TBXA2R: variants seen among roughly 807,000 people sequenced by gnomAD.
TBXA2R encodes prostanoid TP receptor.
TBXA2R carries 15 observed loss-of-function variants against 15.6 expected under a neutral mutation model. The ratio of observed to expected loss-of-function variants is 0.96; its 90% CI spans 0.64 to 1.48. The LOEUF is 1.48. Among genes scored for constraint, TBXA2R ranks in the 40% most tolerant of loss-of-function variants. The pLI, the probability that TBXA2R is intolerant of heterozygous loss-of-function variation, is 0.00. For synonymous variants in TBXA2R, 280 were observed against 241.2 expected, an observed-to-expected ratio of 1.16 and a Z score of -1.49; for missense variants, 506 against 491.4, an observed-to-expected ratio of 1.03 and a Z score of -0.28.
At position 3,600,083 on chromosome 19, in the gene TBXA2R, G is replaced by A. The variant is rs2035457526; in HGVS notation, c.552C>T (p.Phe184=). Residue 184 remains phenylalanine (F), a synonymous_variant, in exon 2 of 3, where the codon TTC becomes TTT. Transcript: ENST00000375190. The part of the protein sequence containing the change: ...YTVQYPGSWC[F]LTLGAESGDV... ...CCCCGGACTCGGCGCCCAGCGTCAG[G>A]AAGCACCAGGACCCCGGGTATTGCA... 5 of 1,612,436 alleles carry A rather than the reference G, an allele frequency of 3.1e-6. No individual in the cohort carries two copies. The highest frequency in any genetic ancestry group is 4.2e-6 in the Non-Finnish European group (5 of 1,179,710).
rs749564805 is a variant in TBXA2R, at chr19:3,595,732, G to T, written c.988C>A (p.Leu330Met). The T allele has an allele frequency of 4.4e-6, 7 of 1,601,672 alleles. No homozygotes were observed. The East Asian group carries it at 1.1e-4, about 26-fold the overall frequency. ...QPRLSTRPRSLSLQPQLTQRS... is the reference protein window; with the variant it reads ...QPRLSTRPRSMSLQPQLTQRS... ...TGCGTGAGCTGGGGCTGGAGGGACA[G>T]CGACCTGGGCCGGGTGCTGAGGCGA... The change falls in exon 3 of 3, where the codon CTG becomes ATG. Residue 330 changes from leucine to methionine, a missense_variant. Physicochemically the swap from Leu to Met is conservative, Grantham distance 15 (BLOSUM62 2). Coordinates refer to ENST00000375190, the MANE Select transcript of TBXA2R (RefSeq NM_001060.6).
In TBXA2R at chr19:3,595,622, C is replaced by A. The variant is rs200258519; in HGVS notation, c.*66G>T. 19 of 1,500,842 alleles carry A rather than the reference C, an allele frequency of 1.3e-5. No homozygotes were observed. The highest frequency in any genetic ancestry group is 1.6e-5 in the Non-Finnish European group (18 of 1,119,838). 93.0% of individuals were successfully genotyped at this position (1,500,842 alleles called of 1,614,324 possible). A position where few individuals can be genotyped will look rare whatever the true frequency, so the allele number is the denominator to read the frequency against. ...CCAGCCCCTGAATCCTCAGAACAGG[C>A]AGATGGGCTGTCCGAGGGGCCAAGG... On this transcript the variant is annotated 3_prime_UTR_variant, in exon 3 of 3. Coordinates refer to ENST00000375190, the MANE Select transcript of TBXA2R (RefSeq NM_001060.6).
intron 1 of TBXA2R, among the ~76,000 whole-genome samples, chr19:3,606,241 T>C (rs1308096095): frequency 6.6e-6 from 1 of 151,608 alleles, no homozygotes; most frequent in African/African-American, 2.4e-5. Flanking sequence ...TGCAGCCCCC[T>C]GAGTCTGGGA....
chr19:3,595,161 C>A lies in TBXA2R; in HGVS notation c.*527G>T. On this transcript the variant is annotated 3_prime_UTR_variant, in exon 3 of 3. Transcript: ENST00000375190. Reference sequence around the variant, plus strand: ...TGGGAGGCTGAGGCTGGTGAATCACCTGAGGTCAGGAGTTCAAGACCAGCC... The same window carrying A: ...TGGGAGGCTGAGGCTGGTGAATCACATGAGGTCAGGAGTTCAAGACCAGCC... 1 of 627,706 alleles carries A rather than the reference C, an allele frequency of 1.6e-6. No homozygotes were observed. Among genetic ancestry groups the A allele is most frequent in the Non-Finnish European group, 2.6e-6 (1 of 378,412 alleles). The allele number at this position is 627,706 out of a possible 1,614,324, so 38.9% of individuals were successfully genotyped here. A position where few individuals can be genotyped will look rare whatever the true frequency, so the allele number is the denominator to read the frequency against.
rs35551413 is a variant in TBXA2R, at chr19:3,595,479, AGG to A, written c.*207_*208del. The A allele has an allele frequency of 7.1e-7, 1 of 1,415,480 alleles. No homozygotes were observed. The highest frequency in any genetic ancestry group is 9.2e-7 in the Non-Finnish European group (1 of 1,089,032). 87.7% of individuals were successfully genotyped at this position (1,415,480 alleles called of 1,614,324 possible). On this transcript the variant is annotated 3_prime_UTR_variant, in exon 3 of 3. Transcript: ENST00000375190. ...GGGGTGGGAGCTCTGGATGGGAAAA[AGG>A]GGCCGAGGAAGGGAGAGTGCTTGGT...
chr19:3,603,297 C>T (rs998946147), intron 1 of TBXA2R, among the ~76,000 whole-genome samples: 7 of 152,226 alleles, frequency 4.6e-5, no homozygotes, highest in Admixed American at 4.6e-4. Context: ...CTCCTGACAG[C>T]GGCACTGAAC....
chr19:3,599,958 T>C lies in TBXA2R; in HGVS notation c.677A>G (p.Tyr226Cys). 1.3e-6 allele frequency: 2 copies of C among 1,580,636 alleles called. No individual in the cohort carries two copies. The highest frequency in any genetic ancestry group is 1.3e-5 in the African/African-American group (1 of 74,258). The change falls in exon 2 of 3, where the codon TAC becomes TGC. Residue 226 changes from tyrosine (Y) to cysteine (C), a missense_variant. Physicochemically the swap from Tyr to Cys is radical, Grantham distance 194. Coordinates refer to ENST00000375190, the MANE Select transcript of TBXA2R (RefSeq NM_001060.6). The part of the protein sequence containing the change: ...TVSVATLCHV[Y>C]HGQEAAQQRP... ...CTGCTGGGCCGCCTCCTGCCCGTGG[T>C]AGACGTGGCACAGGGTGGCCACGCT...
chr19:3,606,138 T>G (rs1278254263), intron 1 of TBXA2R, among the ~76,000 whole-genome samples: 1 of 151,922 alleles, frequency 6.6e-6, no homozygotes, highest in Non-Finnish European at 1.5e-5. Context: ...ACCAGGGCCA[T>G]GCATGGTTCA....
At chr19:3,605,222 G>A (rs2032807460) in intron 1 of TBXA2R, among the ~76,000 whole-genome samples, 1 of 152,276 alleles carries the variant, frequency 6.6e-6, no homozygotes, top group Non-Finnish European at 1.5e-5. Context: ...GTCACACAGG[G>A]GCCAGCAGGG....
At chr19:3,598,959 C>T (rs1236933309) in intron 2 of TBXA2R, among the ~76,000 whole-genome samples, 3 of 152,214 alleles carry the variant, frequency 2.0e-5, no homozygotes, top group East Asian at 3.9e-4. Context: ...TGAGCCACTA[C>T]GCCCGGCCTG....
At position 3,600,519 on chromosome 19, in the gene TBXA2R, A is replaced by C; in HGVS notation, c.116T>G (p.Leu39Arg). Residue 39 changes from leucine (L) to arginine (R), a missense_variant, in exon 2 of 3, where the codon CTG (leucine) becomes CGG (arginine). Leu to Arg is a moderately radical substitution (Grantham distance 102, BLOSUM62 -2). Coordinates refer to ENST00000375190, the MANE Select transcript of TBXA2R (RefSeq NM_001060.6). ...WFAASFCVVGLASNLLALSVL... is the reference protein window; with the variant it reads ...WFAASFCVVGRASNLLALSVL... ...GCTCAGGGCCAGCAGGTTGGAGGCC[A>C]GGCCCACCACGCAGAAGGAGGCGGC... 8 of 1,612,442 alleles carry C rather than the reference A, an allele frequency of 5.0e-6. No individual in the cohort carries two copies. Among genetic ancestry groups the C allele is most frequent in the Non-Finnish European group, 6.8e-6 (8 of 1,179,370 alleles).
intron 2 of TBXA2R, 126 bp downstream of exon 2, chr19:3,599,723 T>G: frequency 7.1e-7 from 1 of 1,404,928 alleles, no homozygotes; most frequent in Non-Finnish European, 9.8e-7. Context: ...CGCCTCAGCC[T>G]CCCAGAGTTC....
intron 1 of TBXA2R, 129 bp from the exon 2 acceptor site, chr19:3,600,846 T>TTG (rs2032724720): frequency 1.2e-5 from 7 of 586,218 alleles, no homozygotes; most frequent in Non-Finnish European, 2.1e-5. Context: ...TTTTTTTTTT[T>TTG]GAGACAGAGT....
chr19:3,604,235 T>C (rs2032788999), intron 1 of TBXA2R, among the ~76,000 whole-genome samples: 1 of 152,142 alleles, frequency 6.6e-6, no homozygotes, highest in Non-Finnish European at 1.5e-5. Flanking sequence ...CTGTCTTAAT[T>C]CCTGGCTTCT....
intron 1 of TBXA2R, among the ~76,000 whole-genome samples, chr19:3,602,807 T>C (rs28416788): frequency 0.53 from 78,861 of 148,868 alleles, 21,664 homozygotes; most frequent in Middle Eastern, 0.59. Flanking sequence ...GAGGCCCAGG[T>C]GGGCGGATCA....
intron 1 of TBXA2R, among the ~76,000 whole-genome samples, chr19:3,603,628 C>T (rs549168503): frequency 9.2e-5 from 14 of 152,152 alleles, no homozygotes; most frequent in Non-Finnish European, 2.1e-4. Context: ...AGGGTCTCCT[C>T]GACCACACTC....
intron 2 of TBXA2R, among the ~76,000 whole-genome samples, chr19:3,599,068 A>G (rs552183860): frequency 1.8e-4 from 27 of 152,352 alleles, no homozygotes; most frequent in Non-Finnish European, 3.4e-4. Context: ...ATGAAATTCA[A>G]ATTTCATCAT....
At chr19:3,604,677 T>A (rs1310098388) in intron 1 of TBXA2R, among the ~76,000 whole-genome samples, 3 of 152,094 alleles carry the variant, frequency 2.0e-5, no homozygotes, top group Non-Finnish European at 4.4e-5. Flanking sequence ...GAGCCTCAGT[T>A]TCCCCGCTCT....
intron 1 of TBXA2R, among the ~76,000 whole-genome samples, chr19:3,606,325 G>C (rs2032834976): frequency 6.6e-6 from 1 of 152,154 alleles, no homozygotes; most frequent in African/African-American, 2.4e-5. Context: ...GCCGCACCCA[G>C]ACCCAGCCGC....
Sources: allele counts gnomAD v4.1 joint callset (sites outside exome capture counted in the v4.1 genomes callset), GRCh38; gene constraint gnomAD v4.1.1; transcripts MANE v1.5; gene names NCBI Gene and HGNC (gene_info 2026-07-23, HGNC 2026-07-21).